FAM13A: variants seen among roughly 807,000 people sequenced by gnomAD.
FAM13A encodes the protein family with sequence similarity 13 member A.
Under a neutral mutation model 129.6 loss-of-function variants are expected in FAM13A, and 76 were observed. That is an observed-to-expected ratio of 0.59 (90% CI 0.49 to 0.71). The LOEUF (loss-of-function observed/expected upper bound fraction) is 0.71. FAM13A is among the 30% of genes least tolerant of loss of function. FAM13A has a pLI of 0.00. For synonymous variants in FAM13A, 443 were observed against 449.9 expected, an observed-to-expected ratio of 0.98 and a Z score of 0.20; for missense variants, 1,108 against 1,249.3, an observed-to-expected ratio of 0.89 and a Z score of 1.70.
chr4:88,821,272 A>G (rs1229506499), intron 7 of FAM13A, among the ~76,000 whole-genome samples: 1 of 152,190 alleles, frequency 6.6e-6, no homozygotes, highest in Non-Finnish European at 1.5e-5. Flanking sequence ...AAATCAGTCA[A>G]ATTAAACTCT....
At chr4:88,870,994 C>A (rs1371680513) in intron 6 of FAM13A, among the ~76,000 whole-genome samples, 2 of 152,174 alleles carry the variant, frequency 1.3e-5, no homozygotes, top group Non-Finnish European at 2.9e-5. Context: ...CTGGTGATAC[C>A]TAGGCAAACA....
chr4:88,733,044 C>T (rs1423281121), intron 21 of FAM13A, among the ~76,000 whole-genome samples: 1 of 151,942 alleles, frequency 6.6e-6, no homozygotes, highest in African/African-American at 2.4e-5. Context: ...ACTTACTATC[C>T]TAAAAAATTT....
In FAM13A at chr4:88,790,664, G is replaced by A. The variant is rs755597288; in HGVS notation, c.1050-37C>T. ...AAGCAAAGAGAAAGTCAGGTTAGAT[G>A]AAAGATCAGAGATGATGAACCAAAC... is the stretch of plus-strand genomic sequence containing the variant. On this transcript the variant is annotated intron_variant, in intron 8 of 23. Transcript: ENST00000264344. 8.8e-6 allele frequency: 14 copies of A among 1,587,932 alleles called. No individual in the cohort carries two copies. In the East Asian group the frequency reaches 3.1e-4, roughly 35 times the overall value.
chr4:88,785,944 C>A (rs1192206912), intron 10 of FAM13A, among the ~76,000 whole-genome samples: 1 of 152,140 alleles, frequency 6.6e-6, no homozygotes, highest in Non-Finnish European at 1.5e-5. Flanking sequence ...AAGAGAAGAA[C>A]AATTAAGGGA....
chr4:88,782,881 T>A (rs2149628471), intron 10 of FAM13A, among the ~76,000 whole-genome samples: 1 of 152,334 alleles, frequency 6.6e-6, no homozygotes, highest in East Asian at 1.9e-4. Context: ...ATCAATTTGG[T>A]GTAATTCTAA....
rs562598374 is a variant in FAM13A, at chr4:88,823,272, T to C, written c.1008-18220A>G. On this transcript the variant is annotated intron_variant, in intron 7 of 23. Transcript: ENST00000264344. ...TGACCTTTTGTTCCAGGGAAGCAGC[T>C]GAACCACCGGGCCAATCAGAGCAGC... The C allele has an allele frequency of 1.5e-4, 187 of 1,255,404 alleles. 5 individuals are homozygous for C. In the South Asian group the frequency reaches 3.8e-3, roughly 26 times the overall value. The allele number at this position is 1,255,404 out of a possible 1,614,324, so 77.8% of individuals were successfully genotyped here. A position where few individuals can be genotyped will look rare whatever the true frequency, so the allele number is the denominator to read the frequency against.
In FAM13A at chr4:88,851,075, A is replaced by G; in HGVS notation, c.952T>C (p.Cys318Arg). ...TCTGCTGAATTCATGTCTTCCAAGC[A>G]GGCTTTTCTATAACTTAGCCGCAAG... ...LSLRLSYRKA[C>R]LEDMNSAEGA... The change falls in exon 7 of 24, where the codon TGC becomes CGC. Residue 318 changes from cysteine to arginine, a missense_variant. Cys to Arg is a radical substitution (Grantham distance 180). Coordinates refer to ENST00000264344, the MANE Select transcript of FAM13A (RefSeq NM_014883.4). 6.2e-7 allele frequency: 1 copy of G among 1,614,060 alleles called. No individual in the cohort carries two copies. Among genetic ancestry groups the G allele is most frequent in the Non-Finnish European group, 8.5e-7 (1 of 1,179,998 alleles).
intron 4 of FAM13A, among the ~76,000 whole-genome samples, chr4:88,947,739 T>C (rs182068559): frequency 6.6e-6 from 1 of 152,098 alleles, no homozygotes; most frequent in East Asian, 1.9e-4. Context: ...TATTCTATAA[T>C]AGAATGAAGT....
intron 7 of FAM13A, among the ~76,000 whole-genome samples, chr4:88,834,958 CTT>C (rs202008222): frequency 2.0e-5 from 3 of 151,736 alleles, no homozygotes; most frequent in Admixed American, 1.3e-4. Flanking sequence ...TGCATTACAG[CTT>C]TTTTTTTCCT....
chr4:88,765,425 A>G (rs1006704147), intron 13 of FAM13A, among the ~76,000 whole-genome samples: 1 of 152,218 alleles, frequency 6.6e-6, no homozygotes, highest in Non-Finnish European at 1.5e-5. Context: ...CAAAATATAT[A>G]CTGGTTAAAC....
rs79932278 is a variant in FAM13A at position 89,053,211 on chromosome 4, A to T, written c.27+3727T>A. Among the ~76,000 whole-genome samples the T allele has an allele frequency of 6.3e-3, 965 of 152,318 alleles. 12 individuals are homozygous for T. The highest frequency in any genetic ancestry group is 0.022 in the African/African-American group (919 of 41,570). ...ATCATGTTTCCTCCAGTTTCCAACAACATGTTCCTCATTTCCATCTGTGAC... is the reference window on the plus strand; with the variant it reads ...ATCATGTTTCCTCCAGTTTCCAACATCATGTTCCTCATTTCCATCTGTGAC... On this transcript the variant is annotated intron_variant, in intron 1 of 23. Coordinates refer to ENST00000264344, the MANE Select transcript of FAM13A (RefSeq NM_014883.4).
At chr4:88,863,110 T>C (rs1739780518) in intron 6 of FAM13A, among the ~76,000 whole-genome samples, 1 of 152,054 alleles carries the variant, frequency 6.6e-6, no homozygotes, top group Non-Finnish European at 1.5e-5. Context: ...TGAGATGATT[T>C]GAGGCTGAAA....
chr4:89,042,787 T>C (rs1770329846), intron 1 of FAM13A, among the ~76,000 whole-genome samples: 1 of 152,190 alleles, frequency 6.6e-6, no homozygotes, highest in South Asian at 2.1e-4. Context: ...GATTTCTTTA[T>C]CCAAAAAATT....
At chr4:88,973,577 C>T (rs1180194882) in intron 4 of FAM13A, among the ~76,000 whole-genome samples, 1 of 91,194 alleles carries the variant, frequency 1.1e-5, no homozygotes, top group African/African-American at 4.6e-5. Context: ...TCCATTAGGG[C>T]CCTTATCCTA....
At chr4:88,940,985 T>C (rs967105454) in intron 4 of FAM13A, among the ~76,000 whole-genome samples, 1 of 152,194 alleles carries the variant, frequency 6.6e-6, no homozygotes, top group African/African-American at 2.4e-5. Context: ...CAAATTCTAT[T>C]GGCAGGAAGC....
chr4:88,977,460 C>A (rs1377096737), intron 4 of FAM13A, among the ~76,000 whole-genome samples: 3 of 152,314 alleles, frequency 2.0e-5, no homozygotes, highest in Middle Eastern at 3.4e-3. Context: ...AAATCACTTA[C>A]TTCATTCACC....
chr4:88,784,762 T>C (rs1336867158), intron 10 of FAM13A, among the ~76,000 whole-genome samples: 1 of 152,068 alleles, frequency 6.6e-6, no homozygotes. Flanking sequence ...TTTCTTATGA[T>C]TTTTTTCAAA....
chr4:88,728,424 C>G lies in FAM13A; in HGVS notation c.*109G>C. On this transcript the variant is annotated 3_prime_UTR_variant, in exon 24 of 24. Transcript: ENST00000264344. ...GCCAAATGGTCTAGAGGCAGAAGGG[C>G]TGCATGCTTTGCAGGGCCAGCCCCA... 1 of 1,361,356 alleles carries G rather than the reference C, an allele frequency of 7.3e-7. No individual in the cohort carries two copies. Among genetic ancestry groups the G allele is most frequent in the Non-Finnish European group, 1.0e-6 (1 of 970,156 alleles). The allele number at this position is 1,361,356 out of a possible 1,614,324, so 84.3% of individuals were successfully genotyped here.
chr4:88,779,197 A>C (rs529568672), intron 11 of FAM13A, among the ~76,000 whole-genome samples: 20 of 152,336 alleles, frequency 1.3e-4, no homozygotes, highest in African/African-American at 4.1e-4. Flanking sequence ...CACAGGATCT[A>C]AACTATTTCC....
Sources: allele counts gnomAD v4.1 joint callset (sites outside exome capture counted in the v4.1 genomes callset), GRCh38; gene constraint gnomAD v4.1.1; transcripts MANE v1.5; gene names NCBI Gene and HGNC (gene_info 2026-07-23, HGNC 2026-07-21).